INPP4A: variants seen among roughly 807,000 people sequenced by gnomAD.
INPP4A encodes the protein inositol polyphosphate-4-phosphatase, type I, 107kD.
In INPP4A, 33 loss-of-function variants were observed where a neutral mutation model predicts 119.8. The ratio of observed to expected loss-of-function variants is 0.28; its 90% CI spans 0.21 to 0.37. The LOEUF (loss-of-function observed/expected upper bound fraction) is 0.37, where lower values mean the gene tolerates loss of function less well. INPP4A is among the 10% of genes least tolerant of loss of function. The pLI is 1.00. For synonymous variants in INPP4A, 496 were observed against 500.7 expected (o/e 0.99, Z 0.12); for missense variants, 956 against 1,289.9 (o/e 0.74, Z 3.97).
intron 1 of INPP4A, among the ~76,000 whole-genome samples, chr2:98,472,787 G>A (rs1676320499): frequency 6.6e-6 from 1 of 152,260 alleles, no homozygotes; most frequent in African/African-American, 2.4e-5. Context: ...AGAAAGGGCA[G>A]TGACTTGCCC....
chr2:98,454,040 G>A (rs1222057790), intron 1 of INPP4A, among the ~76,000 whole-genome samples: 1 of 152,154 alleles, frequency 6.6e-6, no homozygotes, highest in Non-Finnish European at 1.5e-5. Context: ...CCAGGAGGTG[G>A]AGGTTGCAGT....
chr2:98,530,685 G>T (rs1689052337), intron 4 of INPP4A, among the ~76,000 whole-genome samples: 1 of 152,072 alleles, frequency 6.6e-6, no homozygotes, highest in Non-Finnish European at 1.5e-5. Context: ...AAAATATAGT[G>T]TTCAGCATAA....
At chr2:98,527,148 T>A (rs1011756744) in intron 4 of INPP4A, among the ~76,000 whole-genome samples, 1 of 152,194 alleles carries the variant, frequency 6.6e-6, no homozygotes, top group Admixed American at 6.5e-5. Flanking sequence ...CCAAGTAGAC[T>A]TTAAAGGCAA....
chr2:98,506,209 T>C (rs1684011315), intron 1 of INPP4A, among the ~76,000 whole-genome samples: 1 of 152,242 alleles, frequency 6.6e-6, no homozygotes, highest in South Asian at 2.1e-4. Context: ...TGAGGAACTC[T>C]ACAACTGAAA....
rs1700316807 is a variant in INPP4A at position 98,590,455 on chromosome 2, G to A, written c.*2847G>A. 5.3e-6 allele frequency: 1 copy of A among 189,298 alleles called. No homozygotes were observed. Among genetic ancestry groups the A allele is most frequent in the Non-Finnish European group, 1.1e-5 (1 of 90,092 alleles). The allele number at this position is 189,298 out of a possible 1,614,324, so 11.7% of individuals were successfully genotyped here. A position where few individuals can be genotyped will look rare whatever the true frequency, so the allele number is the denominator to read the frequency against. On this transcript the variant is annotated 3_prime_UTR_variant, in exon 25 of 25. Coordinates refer to ENST00000409851, the MANE Select transcript of INPP4A (RefSeq NM_001134225.2). ...AGTTGCTTGACCTCTCCAAGCCTCC[G>A]TTTCCTCATGTGCAAAGTGTGGACA...
intron 10 of INPP4A, 131 bp downstream of exon 10, chr2:98,539,806 C>T: frequency 2.2e-6 from 2 of 902,958 alleles, no homozygotes; most frequent in Non-Finnish European, 3.2e-6. Context: ...CCCTGCAGCT[C>T]TGTGGCCTTG....
intron 1 of INPP4A, among the ~76,000 whole-genome samples, chr2:98,463,554 G>A (rs934344239): frequency 3.3e-5 from 5 of 152,214 alleles, no homozygotes; most frequent in Admixed American, 3.3e-4. Flanking sequence ...CATCACAGGC[G>A]AGGTGATGCA....
intron 4 of INPP4A, among the ~76,000 whole-genome samples, chr2:98,523,594 CTG>C (rs1437984690): frequency 6.6e-6 from 1 of 152,062 alleles, no homozygotes; most frequent in African/African-American, 2.4e-5. Flanking sequence ...CGGGGTTTCA[CTG>C]TGTTAGCCAG....
chr2:98,478,183 G>C (rs981737127), intron 1 of INPP4A, among the ~76,000 whole-genome samples: 4 of 152,188 alleles, frequency 2.6e-5, no homozygotes, highest in Non-Finnish European at 5.9e-5. Context: ...TAATTTGCGG[G>C]TGTTTCCTTT....
intron 7 of INPP4A, among the ~76,000 whole-genome samples, 195 bp downstream of exon 7, chr2:98,536,403 A>G (rs1030730766): frequency 1.3e-5 from 2 of 152,198 alleles, no homozygotes; most frequent in African/African-American, 2.4e-5. Flanking sequence ...TTTAGCATCC[A>G]TAGGAGATAT....
chr2:98,566,150 C>T lies in INPP4A; in HGVS notation c.2401C>T (p.Gln801Ter). The change falls in exon 21 of 25, where the codon CAG (glutamine) becomes TAG (stop). Residue 801 changes from glutamine (Q) to a stop codon, truncating the protein, a stop_gained. Coordinates refer to ENST00000409851, the MANE Select transcript of INPP4A (RefSeq NM_001134225.2). LOFTEE classifies it high-confidence loss of function. The surrounding 1 kb of genome is among the most constrained non-coding windows in gnomAD (Gnocchi z 4.2). ...PVLFNVGINE[Q>*]QTLAERFGDT... is the part of the protein sequence containing the mutation. ...CCTCTTCAACGTGGGCATCAATGAG[C>T]AGCAGACACTGGCCGAGAGGTGCGT... 6.3e-7 allele frequency: 1 copy of T among 1,595,238 alleles called. No homozygotes were observed. Among genetic ancestry groups the T allele is most frequent in the Non-Finnish European group, 8.6e-7 (1 of 1,169,086 alleles).
At chr2:98,552,446 A>AC (rs1188751109) in intron 13 of INPP4A, among the ~76,000 whole-genome samples, 1 of 152,238 alleles carries the variant, frequency 6.6e-6, no homozygotes, top group Non-Finnish European at 1.5e-5. Context: ...ATAAGTTAAT[A>AC]GATGAGGTTG....
intron 4 of INPP4A, among the ~76,000 whole-genome samples, chr2:98,532,420 G>A (rs1689410167): frequency 6.6e-6 from 1 of 152,098 alleles, no homozygotes; most frequent in African/African-American, 2.4e-5. Flanking sequence ...GCGATAAAAT[G>A]TACATAAAAT....
At chr2:98,523,392 G>T (rs1433704591) in intron 4 of INPP4A, among the ~76,000 whole-genome samples, 9 of 148,950 alleles carry the variant, frequency 6.0e-5, no homozygotes, top group South Asian at 4.2e-4. Flanking sequence ...TTTTGTTTTT[G>T]TTTTTTTGTT....
At chr2:98,536,987 G>A (rs890717668) in intron 7 of INPP4A, among the ~76,000 whole-genome samples, 10 of 152,176 alleles carry the variant, frequency 6.6e-5, no homozygotes, top group Admixed American at 5.2e-4. Flanking sequence ...ATCATGTAAG[G>A]GAAAGGGCTT....
chr2:98,560,962 C>G (rs926792874), intron 17 of INPP4A, among the ~76,000 whole-genome samples: 1 of 152,210 alleles, frequency 6.6e-6, no homozygotes, highest in Non-Finnish European at 1.5e-5. Flanking sequence ...TTTCCAGAAG[C>G]ACTGATGGCT....
At chr2:98,558,915 A>G (rs1694967869) in intron 16 of INPP4A, among the ~76,000 whole-genome samples, 1 of 152,194 alleles carries the variant, frequency 6.6e-6, no homozygotes, top group African/African-American at 2.4e-5. Flanking sequence ...TAAATTTGGG[A>G]GATTGGCATA....
At chr2:98,452,281 C>T (rs1243082262) in intron 1 of INPP4A, among the ~76,000 whole-genome samples, 1 of 152,134 alleles carries the variant, frequency 6.6e-6, no homozygotes, top group African/African-American at 2.4e-5. Flanking sequence ...TGGTGGTCCT[C>T]CAGGTGTGGT....
intron 1 of INPP4A, among the ~76,000 whole-genome samples, chr2:98,457,464 C>G (rs1696319155): frequency 6.6e-6 from 1 of 152,192 alleles, no homozygotes; most frequent in Non-Finnish European, 1.5e-5. Context: ...CTGTGTCATT[C>G]TTTGGGAACT....
Sources: gnomAD v4.1 joint callset for allele counts (sites outside exome capture counted in the v4.1 genomes callset) on GRCh38, gnomAD v4.1.1 for gene constraint, Gnocchi (gnomAD v3.1) non-coding constraint, MANE v1.5 for transcripts, NCBI Gene and HGNC (gene_info 2026-07-23, HGNC 2026-07-21) for gene names.